CHST11: variants seen among roughly 807,000 people sequenced by gnomAD.
CHST11 encodes the protein C4S-1.
In CHST11, 9 loss-of-function variants were observed where a neutral mutation model predicts 30.4. The ratio of observed to expected loss-of-function variants is 0.30; its 90% confidence interval spans 0.18 to 0.52. The LOEUF is 0.52. Ranked by LOEUF, CHST11 falls within the 20% of genes least tolerant of loss-of-function variation. CHST11 has a pLI of 0.97. For synonymous variants in CHST11, 152 were observed against 187.8 expected (o/e 0.81, Z 1.56); for missense variants, 348 against 460.6 (o/e 0.76, Z 2.24).
chr12:104,607,726 G>A (rs973836392), intron 2 of CHST11, among the ~76,000 whole-genome samples: 20 of 152,136 alleles, frequency 1.3e-4, no homozygotes, highest in Non-Finnish European at 2.6e-4. Flanking sequence ...GGGGCGGATC[G>A]GAGAGGGGGC....
chr12:104,464,151 T>C (rs1461994306), intron 1 of CHST11, among the ~76,000 whole-genome samples: 5 of 149,878 alleles, frequency 3.3e-5, no homozygotes, highest in Non-Finnish European at 7.4e-5. Flanking sequence ...CACTGCAACC[T>C]CTGCCTCCTG....
intron 1 of CHST11, among the ~76,000 whole-genome samples, chr12:104,546,800 G>A (rs543382485): frequency 6.6e-6 from 1 of 152,326 alleles, no homozygotes; most frequent in African/African-American, 2.4e-5. Flanking sequence ...AAAGAGAAGT[G>A]GGGATAGGAC....
At chr12:104,700,837 G>A (rs1015068852) in intron 2 of CHST11, among the ~76,000 whole-genome samples, 9 of 152,158 alleles carry the variant, frequency 5.9e-5, no homozygotes, top group Admixed American at 5.9e-4. Context: ...TGGGCTGGGC[G>A]CGGTGGCTCA....
chr12:104,657,178 T>C (rs187965515), intron 2 of CHST11, among the ~76,000 whole-genome samples: 89 of 152,330 alleles, frequency 5.8e-4, no homozygotes, highest in African/African-American at 2.0e-3. Context: ...AGGGGAATCA[T>C]ATTTCCTGGT....
chr12:104,713,633 G>T (rs750797687), intron 2 of CHST11, among the ~76,000 whole-genome samples: 71 of 152,166 alleles, frequency 4.7e-4, no homozygotes, highest in Admixed American at 1.6e-3. Context: ...AGTCCTGCTG[G>T]TGAAGGATGC....
At chr12:104,509,715 G>C (rs528845908) in intron 1 of CHST11, among the ~76,000 whole-genome samples, 12 of 152,316 alleles carry the variant, frequency 7.9e-5, no homozygotes, top group Admixed American at 7.8e-4. Flanking sequence ...TGAGACATTG[G>C]AATTCATGGA....
chr12:104,481,558 C>T (rs893611562), intron 1 of CHST11, among the ~76,000 whole-genome samples: 1 of 152,090 alleles, frequency 6.6e-6, no homozygotes, highest in African/African-American at 2.4e-5. Context: ...TGGTGGCTTC[C>T]TTCTGTAGGG....
intron 2 of CHST11, among the ~76,000 whole-genome samples, chr12:104,706,055 C>T (rs576702469): frequency 6.6e-6 from 1 of 151,974 alleles, no homozygotes; most frequent in Admixed American, 6.6e-5. Flanking sequence ...CACTGCACTC[C>T]AGCTGGGGAG....
At chr12:104,684,732 A>G (rs979408148) in intron 2 of CHST11, among the ~76,000 whole-genome samples, 5 of 152,116 alleles carry the variant, frequency 3.3e-5, no homozygotes, top group African/African-American at 1.2e-4. Flanking sequence ...TATTTTTAGT[A>G]GAGACAGGGT....
rs568458741 is a variant in CHST11 at position 104,563,723 on chromosome 12, G to T, written c.119-38183G>T. Among the ~76,000 whole-genome samples, 6 of 151,974 alleles carry T rather than the reference G, an allele frequency of 3.9e-5. No homozygotes were observed. In the South Asian group the frequency reaches 1.3e-3, roughly 32 times the overall value. On this transcript the variant is annotated intron_variant, in intron 1 of 2. Coordinates refer to ENST00000303694, the MANE Select transcript of CHST11 (RefSeq NM_018413.6). ...TGGGGTAGACTGTTGAGATGGTGGG[G>T]GTTGGTGTTCTTGTTCTGGATCTGG...
intron 1 of CHST11, among the ~76,000 whole-genome samples, chr12:104,563,631 T>C (rs2038534737): frequency 6.6e-6 from 1 of 152,228 alleles, no homozygotes. Flanking sequence ...TTAGCTTGTT[T>C]AATAGCCTCG....
chr12:104,483,496 G>A lies in CHST11; in HGVS notation c.118+25967G>A, dbSNP rs571458399. On this transcript the variant is annotated intron_variant, in intron 1 of 2. Transcript: ENST00000303694. The stretch of plus-strand genomic sequence containing the variant: ...GCTGGGATTACAGGCGTGAGCCACC[G>A]TGCCCGGCCTCCCCATGCACTTTGA... 5.9e-5 allele frequency among the ~76,000 whole-genome samples: 9 copies of A among 152,170 alleles called. No individual in the cohort carries two copies. The South Asian group carries it at 1.7e-3, about 28-fold the overall frequency.
In CHST11 at chr12:104,757,616, A is replaced by G; in HGVS notation, c.872A>G (p.Gln291Arg). Residue 291 changes from glutamine (Q) to arginine (R), a missense_variant, in exon 3 of 3, where the codon CAG becomes CGG. Physicochemically the swap from Gln to Arg is conservative, Grantham distance 43. Transcript: ENST00000303694. This position sits in a 1 kb window ranked among gnomAD's most constrained non-coding sequence, Gnocchi z 6.5. Reference protein sequence around the residue: ...TLEEDSNYVLQLAGVGSYLKF... With the variant: ...TLEEDSNYVLRLAGVGSYLKF... ...GAAGAGGATTCTAATTACGTCCTGC[A>G]GCTGGCAGGAGTGGGCAGCTACCTG... The G allele has an allele frequency of 6.2e-7, 1 of 1,614,194 alleles. No homozygotes were observed. Among genetic ancestry groups the G allele is most frequent in the Non-Finnish European group, 8.5e-7 (1 of 1,180,022 alleles).
At chr12:104,537,119 G>A (rs1477335275) in intron 1 of CHST11, among the ~76,000 whole-genome samples, 1 of 152,210 alleles carries the variant, frequency 6.6e-6, no homozygotes, top group Non-Finnish European at 1.5e-5. Context: ...GGTAGTTGCT[G>A]AAAATATACC....
chr12:104,587,087 C>G (rs1417116437), intron 1 of CHST11, among the ~76,000 whole-genome samples: 2 of 152,276 alleles, frequency 1.3e-5, no homozygotes, highest in East Asian at 3.9e-4. Flanking sequence ...CCTGAAGATG[C>G]CAATTCCTAT....
intron 2 of CHST11, among the ~76,000 whole-genome samples, chr12:104,682,208 C>G (rs907146165): frequency 6.6e-6 from 1 of 152,154 alleles, no homozygotes; most frequent in Non-Finnish European, 1.5e-5. Context: ...GGATTGGGCT[C>G]TACTGGAAGT....
intron 1 of CHST11, among the ~76,000 whole-genome samples, chr12:104,511,279 G>A (rs551062067): frequency 2.0e-5 from 3 of 152,130 alleles, no homozygotes; most frequent in Admixed American, 6.6e-5. Context: ...GGCAAGCAGG[G>A]ACTTCCTTCT....
chr12:104,523,939 C>G (rs1023754583), intron 1 of CHST11, among the ~76,000 whole-genome samples: 1 of 152,182 alleles, frequency 6.6e-6, no homozygotes, highest in African/African-American at 2.4e-5. Flanking sequence ...TTAGAAGTCC[C>G]TATCTCCCTG....
chr12:104,724,369 G>A (rs892218510), intron 2 of CHST11, among the ~76,000 whole-genome samples: 1 of 152,178 alleles, frequency 6.6e-6, no homozygotes, highest in Non-Finnish European at 1.5e-5. Flanking sequence ...AAAAGGTTCT[G>A]GAGATCGGGG....
Sources: gnomAD v4.1 joint callset for allele counts (sites outside exome capture counted in the v4.1 genomes callset) on GRCh38, gnomAD v4.1.1 for gene constraint, Gnocchi (gnomAD v3.1) non-coding constraint, MANE v1.5 for transcripts, NCBI Gene and HGNC (gene_info 2026-07-23, HGNC 2026-07-21) for gene names.